PREX2: variants seen among roughly 807,000 people sequenced by gnomAD.
PREX2 encodes the protein phosphatidylinositol-3,4,5-trisphosphate dependent Rac exchange factor 2.
PREX2 carries 107 observed loss-of-function variants against 203.2 expected under a neutral mutation model. The observed-to-expected ratio is 0.53, with a 90% CI of 0.45 to 0.62. The LOEUF (loss-of-function observed/expected upper bound fraction) is 0.62. PREX2 is among the 20% of genes least tolerant of loss of function. The pLI is 0.00. For synonymous variants in PREX2, 672 were observed against 663.6 expected (o/e 1.01, Z -0.19); for missense variants, 1,777 against 1,955.9 (o/e 0.91, Z 1.72).
At chr8:68,005,913 G>A (rs1807080965) in intron 1 of PREX2, among the ~76,000 whole-genome samples, 1 of 152,170 alleles carries the variant, frequency 6.6e-6, no homozygotes, top group Admixed American at 6.5e-5. Context: ...CATGCAATAA[G>A]GATATTATTC....
intron 1 of PREX2, among the ~76,000 whole-genome samples, chr8:67,988,829 C>A (rs1440793585): frequency 6.6e-6 from 1 of 152,202 alleles, no homozygotes; most frequent in African/African-American, 2.4e-5. Flanking sequence ...CTGTGCCCCA[C>A]CCCATGGACT....
At chr8:68,085,003 T>C (rs1425235520) in intron 18 of PREX2, among the ~76,000 whole-genome samples, 3 of 152,184 alleles carry the variant, frequency 2.0e-5, no homozygotes, top group African/African-American at 7.2e-5. Flanking sequence ...ATGAGCAGAA[T>C]AGCAATCTGT....
intron 35 of PREX2, among the ~76,000 whole-genome samples, chr8:68,181,606 T>C (rs1400374525): frequency 6.6e-6 from 1 of 152,100 alleles, no homozygotes; most frequent in Non-Finnish European, 1.5e-5. Flanking sequence ...GGGATGTATG[T>C]TTTGTGATGG....
At chr8:68,049,755 C>T (rs1166542668) in intron 8 of PREX2, among the ~76,000 whole-genome samples, 1 of 151,950 alleles carries the variant, frequency 6.6e-6, no homozygotes, top group Non-Finnish European at 1.5e-5. Context: ...AATTATTTTT[C>T]CATTTAAATT....
rs772153927 is a variant in PREX2, at chr8:68,097,197, C to A, written c.2549C>A (p.Ala850Asp). ...IEPKGFFSLT[A>D]KILEALAKSD... Reference sequence around the variant, plus strand: ...CCCAAAGGTTTCTTCAGCTTAACTGCCAAGGTAGGAGCGATGCTGAAGAAA... The same window carrying A: ...CCCAAAGGTTTCTTCAGCTTAACTGACAAGGTAGGAGCGATGCTGAAGAAA... Residue 850 changes from alanine (A) to aspartate (D), a missense_variant, in exon 22 of 40, where the codon GCC becomes GAC. Physicochemically the swap from Ala to Asp is moderately radical, Grantham distance 126 (BLOSUM62 -2). Transcript: ENST00000288368. 1 of 1,610,844 alleles carries A rather than the reference C, an allele frequency of 6.2e-7. No individual in the cohort carries two copies. The highest frequency in any genetic ancestry group is 2.2e-5 in the East Asian group (1 of 44,772).
intron 25 of PREX2, chr8:68,110,966 G>A (rs1810522377): frequency 2.4e-6 from 1 of 425,214 alleles, no homozygotes; most frequent in African/African-American, 2.0e-5. Context: ...TAAGAGAAAA[G>A]GAGAGTATTT....
At chr8:68,164,355 T>C (rs2129614061) in intron 35 of PREX2, among the ~76,000 whole-genome samples, 1 of 151,072 alleles carries the variant, frequency 6.6e-6, no homozygotes, top group South Asian at 2.1e-4. Context: ...ATGTATTATA[T>C]ATATATATAT....
intron 35 of PREX2, among the ~76,000 whole-genome samples, chr8:68,182,669 T>A (rs532002336): frequency 6.6e-6 from 1 of 152,026 alleles, no homozygotes; most frequent in South Asian, 2.1e-4. Flanking sequence ...TCTCATGAAA[T>A]AAAGTTCGAT....
rs962841853 is a variant in PREX2, at chr8:67,989,150, T to C, written c.142-28696T>C. ...TGAGGAATGGATGTGAAAAAAAAGA[T>C]AGGAAAAGAAAGCTAATATTTAATA... On this transcript the variant is annotated intron_variant, in intron 1 of 39. Coordinates refer to ENST00000288368, the MANE Select transcript of PREX2 (RefSeq NM_024870.4). 5.3e-5 allele frequency among the ~76,000 whole-genome samples: 8 copies of C among 151,842 alleles called. No homozygotes were observed. In the East Asian group the frequency reaches 1.2e-3, roughly 22 times the overall value.
chr8:67,987,738 G>T (rs961055422), intron 1 of PREX2, among the ~76,000 whole-genome samples: 2 of 152,130 alleles, frequency 1.3e-5, no homozygotes, highest in African/African-American at 4.8e-5. Flanking sequence ...GGTCTGTAAT[G>T]CTCACACTCC....
intron 31 of PREX2, among the ~76,000 whole-genome samples, chr8:68,132,122 A>T (rs1312458100): frequency 6.6e-6 from 1 of 152,138 alleles, no homozygotes; most frequent in Non-Finnish European, 1.5e-5. Context: ...TATTTCAAGA[A>T]ACCAGAGAAT....
At chr8:67,970,212 C>T (rs1338004156) in intron 1 of PREX2, among the ~76,000 whole-genome samples, 2 of 152,094 alleles carry the variant, frequency 1.3e-5, no homozygotes, top group Non-Finnish European at 2.9e-5. Context: ...TTAATCTAAA[C>T]AGATCGAAAT....
At chr8:68,221,985 A>G (rs1177469814) in intron 38 of PREX2, among the ~76,000 whole-genome samples, 2 of 152,208 alleles carry the variant, frequency 1.3e-5, no homozygotes, top group Non-Finnish European at 2.9e-5. Context: ...GTCTGAGAAA[A>G]AAGTTACAAA....
Position 68,027,217 on chromosome 8 carries a change from C to T in PREX2, c.442-5C>T. 1 of 1,602,476 alleles carries T rather than the reference C, an allele frequency of 6.2e-7. No individual in the cohort carries two copies. The highest frequency in any genetic ancestry group is 8.5e-7 in the Non-Finnish European group (1 of 1,170,082). On this transcript the variant is annotated splice_region_variant and splice_polypyrimidine_tract_variant and intron_variant, in intron 4 of 39. Transcript: ENST00000288368. ...TGTAATTAATTTTGATTATTTTCAC[C>T]CCAGAACTGCATGCTGCTTGGAGGA...
chr8:68,127,570 A>C, intron 31 of PREX2, 151 bp downstream of exon 31: 1 of 492,824 alleles, frequency 2.0e-6, no homozygotes, highest in East Asian at 3.2e-5. Context: ...GATTAGAAAA[A>C]GTACTCACAT....
intron 19 of PREX2, 145 bp from the exon 20 acceptor site, chr8:68,090,434 C>A: frequency 1.7e-6 from 1 of 576,942 alleles, no homozygotes; most frequent in Non-Finnish European, 2.9e-6. Context: ...GTTGAGTGGG[C>A]ATTGCTCTCA....
At chr8:68,016,228 A>AC (rs1381938184) in intron 1 of PREX2, among the ~76,000 whole-genome samples, 12 of 152,156 alleles carry the variant, frequency 7.9e-5, no homozygotes, top group African/African-American at 2.9e-4. Context: ...AATGCCGCCT[A>AC]CTTTTTTTTC....
rs772643153 is a variant in PREX2 at position 68,093,719 on chromosome 8, G to C, written c.2365G>C (p.Glu789Gln). 11 of 1,529,974 alleles carry C rather than the reference G, an allele frequency of 7.2e-6. No homozygotes were observed. The highest frequency in any genetic ancestry group is 1.7e-4 in the Middle Eastern group (1 of 5,898). 94.8% of individuals were successfully genotyped at this position (1,529,974 alleles called of 1,614,324 possible). Residue 789 changes from glutamate (E) to glutamine (Q), a missense_variant, in exon 21 of 40, where the codon GAA (glutamate) becomes CAA (glutamine). Coordinates refer to ENST00000288368, the MANE Select transcript of PREX2 (RefSeq NM_024870.4). ...EAGDAFDCKV[E>Q]EVIDKFNTMA... is the part of the protein sequence containing the mutation. ...AGGGGATGCTTTTGACTGTAAAGTA[G>C]AAGGTAGGTTTCTTATTTTCTTCTT... is the stretch of plus-strand genomic sequence containing the variant.
chr8:68,142,636 T>C (rs551219052), intron 33 of PREX2, among the ~76,000 whole-genome samples: 1 of 152,282 alleles, frequency 6.6e-6, no homozygotes, highest in East Asian at 1.9e-4. Flanking sequence ...CTCTTTTGGG[T>C]AGATACCAAG....
Sources: allele counts gnomAD v4.1 joint callset (sites outside exome capture counted in the v4.1 genomes callset), GRCh38; gene constraint gnomAD v4.1.1; transcripts MANE v1.5; gene names NCBI Gene and HGNC (gene_info 2026-07-23, HGNC 2026-07-21).